The following GAPVD1 variants were observed in gnomAD, a reference collection of about 807,000 sequenced individuals.
GAPVD1 encodes the protein GTPase-activating protein and VPS9 domain-containing protein 1.
Under a neutral mutation model 155.5 loss-of-function variants are expected in GAPVD1, and 35 were observed. The ratio of observed to expected loss-of-function variants is 0.23; its 90% CI spans 0.17 to 0.30. The LOEUF (loss-of-function observed/expected upper bound fraction) is 0.30. GAPVD1 is among the 10% of genes least tolerant of loss of function. GAPVD1 has a pLI of 1.00. For synonymous variants in GAPVD1, 636 were observed against 619.7 expected, an observed-to-expected ratio of 1.03 and a Z score of -0.39; for missense variants, 1,429 against 1,775.7, an observed-to-expected ratio of 0.80 and a Z score of 3.51.
Position 125,366,373 on chromosome 9 carries a change from T to G in GAPVD1, c.*3627T>G, listed in dbSNP as rs1171437094. On this transcript the variant is annotated 3_prime_UTR_variant, in exon 28 of 28. Coordinates refer to ENST00000297933, the MANE Select transcript of GAPVD1 (RefSeq NM_001282680.3). ...CAACTAGGTGTTTTAAAATTGTTTT[T>G]CTCCTATGTGATTGGGTGTGAAGAG... 1 of 152,188 alleles carries G rather than the reference T, an allele frequency of 6.6e-6. No homozygotes were observed. Among genetic ancestry groups the G allele is most frequent in the African/African-American group, 2.4e-5 (1 of 41,442 alleles). 9.4% of individuals were successfully genotyped at this position (152,188 alleles called of 1,614,324 possible).
At chr9:125,341,559 A>G (rs566439364) in intron 18 of GAPVD1, 1 of 218,712 alleles carries the variant, frequency 4.6e-6, no homozygotes, top group East Asian at 1.1e-4. Context: ...TCTGACATAT[A>G]TATTGCTATT....
At position 125,362,878 on chromosome 9, in the gene GAPVD1, A is replaced by T. The variant is rs1851136040; in HGVS notation, c.*132A>T. On this transcript the variant is annotated 3_prime_UTR_variant, in exon 28 of 28. Coordinates refer to ENST00000297933, the MANE Select transcript of GAPVD1 (RefSeq NM_001282680.3). ...CACAGCATCAGGCATTTTAAAGCAG[A>T]TCTTTACTAAACAGGTTAATGAGCT... is the stretch of plus-strand genomic sequence containing the variant. 1.7e-5 allele frequency: 12 copies of T among 688,402 alleles called. No individual in the cohort carries two copies. Among genetic ancestry groups the T allele is most frequent in the Non-Finnish European group, 2.3e-5 (10 of 435,098 alleles). 42.6% of individuals were successfully genotyped at this position (688,402 alleles called of 1,614,324 possible). A position where few individuals can be genotyped will look rare whatever the true frequency, so the allele number is the denominator to read the frequency against.
At position 125,270,858 on chromosome 9, in the gene GAPVD1, G is replaced by T. The variant is rs1834788179; in HGVS notation, c.-150+1874G>T. Among the ~76,000 whole-genome samples the T allele has an allele frequency of 2.0e-5, 3 of 152,108 alleles. 1 individual carries two copies. In the South Asian group the frequency reaches 6.2e-4, roughly 32 times the overall value. On this transcript the variant is annotated intron_variant, in intron 2 of 27. Coordinates refer to ENST00000297933, the MANE Select transcript of GAPVD1 (RefSeq NM_001282680.3). Reference sequence around the variant, plus strand: ...CTCAGGAGGCTGAGGCAGGAGAATCGCTTGAACCTGGGAGTGGGAGGCAGA... The same window carrying T: ...CTCAGGAGGCTGAGGCAGGAGAATCTCTTGAACCTGGGAGTGGGAGGCAGA...
chr9:125,361,291 G>A (rs1245703620), intron 27 of GAPVD1, among the ~76,000 whole-genome samples: 2 of 152,172 alleles, frequency 1.3e-5, no homozygotes, highest in African/African-American at 4.8e-5. Flanking sequence ...TGTAATCCCA[G>A]CACTTTGGGA....
At chr9:125,336,692 G>T in intron 15 of GAPVD1, 1 of 232,918 alleles carries the variant, frequency 4.3e-6, no homozygotes. Context: ...GCTCAGGGAA[G>T]CTGTGACATT....
rs114787176 is a variant in GAPVD1 at position 125,350,213 on chromosome 9, A to G, written c.3300-82A>G. On this transcript the variant is annotated intron_variant, in intron 21 of 27. Transcript: ENST00000297933. ...TTTGAAACATTTGAGTCCTAAGGTA[A>G]CATTAATTTATATAGTAAATATTTG... 5.2e-4 allele frequency: 415 copies of G among 795,778 alleles called. 1 individual carries two copies. In the African/African-American group the frequency reaches 5.7e-3, roughly 11 times the overall value. 49.3% of individuals were successfully genotyped at this position (795,778 alleles called of 1,614,324 possible). A position where few individuals can be genotyped will look rare whatever the true frequency, so the allele number is the denominator to read the frequency against.
At chr9:125,268,731 G>A (rs1200432274) in intron 1 of GAPVD1, among the ~76,000 whole-genome samples, 1 of 151,882 alleles carries the variant, frequency 6.6e-6, no homozygotes, top group African/African-American at 2.4e-5. Flanking sequence ...TGTAGTTTTT[G>A]TAGAGGTGCC....
intron 27 of GAPVD1, among the ~76,000 whole-genome samples, chr9:125,361,395 G>T (rs980906569): frequency 6.6e-6 from 1 of 151,880 alleles, no homozygotes; most frequent in Non-Finnish European, 1.5e-5. Context: ...AAAATTACAG[G>T]CTCCTGTAAT....
rs141172412 is a variant in GAPVD1, at chr9:125,335,844, T to C, written c.2429-1174T>C. Among the ~76,000 whole-genome samples the C allele has an allele frequency of 2.3e-4, 35 of 152,186 alleles. No individual in the cohort carries two copies. In the East Asian group the frequency reaches 6.4e-3, roughly 28 times the overall value. The stretch of plus-strand genomic sequence containing the variant: ...CATAAACAAAAGCTATTAGGGTCAG[T>C]AATTTTTTAAGTTGTAAAGATATCT... On this transcript the variant is annotated intron_variant, in intron 15 of 27. Transcript: ENST00000297933.
intron 15 of GAPVD1, among the ~76,000 whole-genome samples, chr9:125,335,973 T>G (rs1016466475): frequency 4.0e-5 from 6 of 151,760 alleles, no homozygotes; most frequent in Admixed American, 2.0e-4. Flanking sequence ...GGCAACATGG[T>G]GAGACCCTGT....
chr9:125,303,207 C>T (rs2130915363), intron 5 of GAPVD1, among the ~76,000 whole-genome samples: 1 of 151,978 alleles, frequency 6.6e-6, no homozygotes, highest in Middle Eastern at 3.4e-3. Context: ...TATTTTTAGC[C>T]ATGGGGTTAA....
At chr9:125,359,635 C>T (rs1015164734) in intron 26 of GAPVD1, 143 bp downstream of exon 26, 19 of 572,824 alleles carry the variant, frequency 3.3e-5, no homozygotes, top group African/African-American at 7.6e-5. Flanking sequence ...AGTCTAACTG[C>T]GAAGTTCCTG....
At chr9:125,332,713 A>G in intron 15 of GAPVD1, 84 bp downstream of exon 15, 1 of 1,090,300 alleles carries the variant, frequency 9.2e-7, no homozygotes, top group South Asian at 1.3e-5. Flanking sequence ...TGGTGACAGC[A>G]TCTGTTGGTA....
chr9:125,313,470 A>G (rs1177117297), intron 9 of GAPVD1, among the ~76,000 whole-genome samples: 3 of 151,866 alleles, frequency 2.0e-5, no homozygotes, highest in East Asian at 1.9e-4. Flanking sequence ...CGCTCGGCTA[A>G]TTTTTTGTAT....
At chr9:125,341,441 A>G (rs900664768) in intron 18 of GAPVD1, 177 bp downstream of exon 18, 1 of 525,024 alleles carries the variant, frequency 1.9e-6, no homozygotes, top group African/African-American at 2.0e-5. Flanking sequence ...GAGCTTTAGA[A>G]ATGTTCTTGT....
At chr9:125,273,447 G>A (rs1364051417) in intron 2 of GAPVD1, among the ~76,000 whole-genome samples, 2 of 150,070 alleles carry the variant, frequency 1.3e-5, no homozygotes, top group African/African-American at 4.9e-5. Context: ...GCACTAGTAG[G>A]TCTTCAGCAG....
At chr9:125,335,712 T>C (rs891819852) in intron 15 of GAPVD1, among the ~76,000 whole-genome samples, 9 of 152,054 alleles carry the variant, frequency 5.9e-5, no homozygotes, top group African/African-American at 2.2e-4. Context: ...CAAACCAGAG[T>C]AGGTTCAGAG....
At chr9:125,317,974 C>A (rs1283555547) in intron 9 of GAPVD1, among the ~76,000 whole-genome samples, 2 of 152,066 alleles carry the variant, frequency 1.3e-5, no homozygotes, top group Non-Finnish European at 2.9e-5. Flanking sequence ...GTCTCAGGAG[C>A]AGAAAGATTA....
intron 20 of GAPVD1, among the ~76,000 whole-genome samples, chr9:125,348,029 G>A (rs1024978572): frequency 2.0e-5 from 3 of 151,944 alleles, no homozygotes; most frequent in East Asian, 3.9e-4. Flanking sequence ...GAGTGTGTGT[G>A]TGTGTATATA....
Sources: gnomAD v4.1 joint callset for allele counts (sites outside exome capture counted in the v4.1 genomes callset) on GRCh38, gnomAD v4.1.1 for gene constraint, MANE v1.5 for transcripts, NCBI Gene and HGNC (gene_info 2026-07-23, HGNC 2026-07-21) for gene names.